The following ZNF503 variants were observed in gnomAD, a reference collection of about 807,000 sequenced individuals.
ZNF503 encodes the protein NocA-like zinc finger 2.
Under a neutral mutation model 34.4 loss-of-function variants are expected in ZNF503, and 15 were observed. That is an observed-to-expected ratio of 0.44 (90% CI 0.29 to 0.67). ZNF503 has a LOEUF of 0.67. Ranked by LOEUF, ZNF503 falls within the 30% of genes least tolerant of loss-of-function variation. The probability of loss-of-function intolerance (pLI) is 0.13; values close to 1 mark genes in which losing one functional copy is unlikely to be tolerated. For missense variants in ZNF503, 1,007 were observed against 926.8 expected (o/e 1.09, Z -1.12); for synonymous variants, 580 against 456.8 (o/e 1.27, Z -3.44).
chr10:75,282,678 C>T, the ZNF503 span, among the ~76,000 whole-genome samples: 6 of 152,214 alleles, frequency 3.9e-5, no homozygotes, highest in African/African-American at 1.4e-4. Flanking sequence ...GGAATTGAAT[C>T]GCACAAAGAC....
chr10:75,398,981 G>A lies in ZNF503; in HGVS notation c.1709C>T (p.Ala570Val), dbSNP rs748312326. 30 of 1,605,166 alleles carry A rather than the reference G, an allele frequency of 1.9e-5. No homozygotes were observed. Among genetic ancestry groups the A allele is most frequent in the Middle Eastern group, 1.6e-4 (1 of 6,076 alleles). ...SLASAAAAAM[A>V]CHMHIPTSGA... ...CGAGGTGGGGATGTGCATGTGGCAA[G>A]CCATGGCGGCCGCGGCAGCGCTGGC... is the stretch of plus-strand genomic sequence containing the variant. The change falls in exon 2 of 2, where the codon GCT becomes GTT. Residue 570 changes from alanine (A) to valine (V), a missense_variant. Transcript: ENST00000372524.
At chr10:75,333,238 C>CA in the ZNF503 span, among the ~76,000 whole-genome samples, 1 of 106,236 alleles carries the variant, frequency 9.4e-6, no homozygotes, top group African/African-American at 4.0e-5. Flanking sequence ...GGGGGCTGAC[C>CA]CCCCCCACCT....
chr10:75,313,020 C>T, the ZNF503 span, among the ~76,000 whole-genome samples: 1 of 152,180 alleles, frequency 6.6e-6, no homozygotes, highest in South Asian at 2.1e-4. Context: ...TTTACTCTTC[C>T]TTTGCCCTCT....
the ZNF503 span, among the ~76,000 whole-genome samples, chr10:75,313,925 G>A: frequency 6.6e-6 from 1 of 152,186 alleles, no homozygotes; most frequent in Non-Finnish European, 1.5e-5. Flanking sequence ...CAAGAGATGT[G>A]GAGGAAACAC....
chr10:75,370,751 C>A, the ZNF503 span, among the ~76,000 whole-genome samples: 1 of 130,228 alleles, frequency 7.7e-6, no homozygotes, highest in Non-Finnish European at 1.5e-5. Flanking sequence ...TGCACTCCAG[C>A]CTGGGCGAAA....
chr10:75,372,585 T>G, the ZNF503 span, among the ~76,000 whole-genome samples: 1 of 152,198 alleles, frequency 6.6e-6, no homozygotes, highest in African/African-American at 2.4e-5. Flanking sequence ...CTGGGAAATC[T>G]ACTCAACCAG....
the ZNF503 span, among the ~76,000 whole-genome samples, chr10:75,370,883 C>T: frequency 6.6e-6 from 1 of 150,798 alleles, no homozygotes; most frequent in African/African-American, 2.4e-5. Context: ...CTGGCTGCTT[C>T]CTTCTCTGTC....
the ZNF503 span, among the ~76,000 whole-genome samples, chr10:75,390,052 C>T: frequency 2.0e-5 from 3 of 152,170 alleles, no homozygotes; most frequent in South Asian, 6.2e-4. Flanking sequence ...CCCCACCACG[C>T]CCGGCTAATT....
chr10:75,327,208 G>T, the ZNF503 span, among the ~76,000 whole-genome samples: 1 of 152,100 alleles, frequency 6.6e-6, no homozygotes, highest in Non-Finnish European at 1.5e-5. Flanking sequence ...TTTGATATCT[G>T]TTAACCAACC....
chr10:75,401,490 C>T lies in ZNF503; in HGVS notation c.-71G>A, dbSNP rs1303719789. On this transcript the variant is annotated 5_prime_UTR_variant, in exon 1 of 2. Transcript: ENST00000372524. ...GGCGCGGGGCGGGCTCGGGGCTGCGCGCTCGCCCCGGGAGCAGGAGCAGCG... is the reference window on the plus strand; with the variant it reads ...GGCGCGGGGCGGGCTCGGGGCTGCGTGCTCGCCCCGGGAGCAGGAGCAGCG... The T allele has an allele frequency of 1.4e-6, 2 of 1,464,958 alleles. No homozygotes were observed. Among genetic ancestry groups the T allele is most frequent in the South Asian group, 2.6e-5 (2 of 77,622 alleles). The allele number at this position is 1,464,958 out of a possible 1,614,324, so 90.7% of individuals were successfully genotyped here.
At chr10:75,352,165 T>C in the ZNF503 span, among the ~76,000 whole-genome samples, 11 of 152,190 alleles carry the variant, frequency 7.2e-5, no homozygotes, top group Admixed American at 5.9e-4. Flanking sequence ...TTGGGGCACA[T>C]TTGGAGCCCC....
the ZNF503 span, among the ~76,000 whole-genome samples, chr10:75,339,238 A>G: frequency 6.6e-6 from 1 of 152,208 alleles, no homozygotes; most frequent in African/African-American, 2.4e-5. Context: ...CTCAAAAAAA[A>G]AGAAAGAGTT....
the ZNF503 span, chr10:75,382,952 T>A: frequency 1.1e-5 from 2 of 185,070 alleles, no homozygotes; most frequent in East Asian, 3.1e-4. Context: ...GCATGATCTC[T>A]CTCTTCCGGG....
chr10:75,323,487 G>A, the ZNF503 span, among the ~76,000 whole-genome samples: 2 of 152,102 alleles, frequency 1.3e-5, no homozygotes, highest in Non-Finnish European at 1.5e-5. Flanking sequence ...CACTATTTGA[G>A]GTTTCCACCA....
the ZNF503 span, among the ~76,000 whole-genome samples, chr10:75,304,093 C>T: frequency 1.3e-5 from 2 of 152,280 alleles, no homozygotes; most frequent in Non-Finnish European, 2.9e-5. Context: ...CTTGGCCTCC[C>T]GAAGTGCTGG....
chr10:75,397,663 T>C (rs1284218015), downstream of ZNF503, among the ~76,000 whole-genome samples: 1 of 152,226 alleles, frequency 6.6e-6, no homozygotes, highest in African/African-American at 2.4e-5. Context: ...CAAGGCCAAC[T>C]TCGCGGCTGG....
At chr10:75,390,898 T>C in the ZNF503 span, among the ~76,000 whole-genome samples, 1 of 152,166 alleles carries the variant, frequency 6.6e-6, no homozygotes, top group Non-Finnish European at 1.5e-5. Context: ...GCTGATTCTG[T>C]TTCTGGTGAG....
chr10:75,304,823 G>C, the ZNF503 span, among the ~76,000 whole-genome samples: 1 of 152,096 alleles, frequency 6.6e-6, no homozygotes, highest in Admixed American at 6.5e-5. Flanking sequence ...ATATGTAAAG[G>C]ATTCTGCATA....
chr10:75,363,491 C>T, the ZNF503 span, among the ~76,000 whole-genome samples: 1 of 152,178 alleles, frequency 6.6e-6, no homozygotes, highest in Non-Finnish European at 1.5e-5. Context: ...CGTGGAAATG[C>T]TGGCATTTGG....
Sources: gnomAD v4.1 joint callset for allele counts (sites outside exome capture counted in the v4.1 genomes callset) on GRCh38, gnomAD v4.1.1 for gene constraint, MANE v1.5 for transcripts, NCBI Gene and HGNC (gene_info 2026-07-23, HGNC 2026-07-21) for gene names.